Variants in ITGB5 observed in about 807,000 individuals in gnomAD.
The protein encoded by ITGB5 is integrin subunit beta 5, also known as integrin beta-5.
ITGB5 carries 38 observed loss-of-function variants against 84.8 expected under a neutral mutation model. That is an observed-to-expected ratio of 0.45 (90% CI 0.35 to 0.59). ITGB5 has a LOEUF of 0.59. Ranked by LOEUF, ITGB5 falls within the 20% of genes least tolerant of loss-of-function variation. ITGB5 has a pLI of 0.01. For synonymous variants in ITGB5, 393 were observed against 414.4 expected, an observed-to-expected ratio of 0.95 and a Z score of 0.63; for missense variants, 905 against 1,034.5, an observed-to-expected ratio of 0.87 and a Z score of 1.72.
At chr3:124,868,618 C>CAAAAAAAA (rs67873873) in intron 2 of ITGB5, among the ~76,000 whole-genome samples, 26 of 68,140 alleles carry the variant, frequency 3.8e-4, no homozygotes, top group Non-Finnish European at 4.6e-4. Flanking sequence ...TGTTCTCTAC[C>CAAAAAAAA]AAAAAAAAAA....
chr3:124,786,431 G>GT (rs2064082826), intron 10 of ITGB5, among the ~76,000 whole-genome samples: 1 of 151,972 alleles, frequency 6.6e-6, no homozygotes, highest in Non-Finnish European at 1.5e-5. Context: ...TTCTCCTTGT[G>GT]TTACTATAGT....
chr3:124,864,263 C>G (rs915378773), intron 2 of ITGB5, among the ~76,000 whole-genome samples: 2 of 151,300 alleles, frequency 1.3e-5, no homozygotes, highest in Non-Finnish European at 2.9e-5. Context: ...CCCGCCACCA[C>G]GCCCAGTTAA....
At chr3:124,878,601 A>C (rs1166721752) in intron 1 of ITGB5, 1 of 152,124 alleles carries the variant, frequency 6.6e-6, no homozygotes, top group Non-Finnish European at 1.5e-5. Flanking sequence ...TGAATGACCT[A>C]CCAGCCCTTG....
intron 9 of ITGB5, among the ~76,000 whole-genome samples, chr3:124,803,604 T>C (rs947153021): frequency 6.6e-6 from 1 of 152,214 alleles, no homozygotes; most frequent in Non-Finnish European, 1.5e-5. Flanking sequence ...GTGAGTTCAC[T>C]GTCTCTTAGC....
At chr3:124,798,858 G>C (rs566292198) in intron 9 of ITGB5, among the ~76,000 whole-genome samples, 1 of 152,248 alleles carries the variant, frequency 6.6e-6, no homozygotes, top group Admixed American at 6.5e-5. Context: ...CGGGGAGAGG[G>C]GAGAGGGTAT....
At chr3:124,811,331 G>A (rs1211120907) in intron 8 of ITGB5, among the ~76,000 whole-genome samples, 5 of 152,178 alleles carry the variant, frequency 3.3e-5, no homozygotes, top group Non-Finnish European at 7.3e-5. Context: ...TAACAGCTAT[G>A]CTAAGGTCTC....
At chr3:124,816,211 G>C (rs979111804) in intron 8 of ITGB5, among the ~76,000 whole-genome samples, 1 of 152,172 alleles carries the variant, frequency 6.6e-6, no homozygotes, top group African/African-American at 2.4e-5. Flanking sequence ...CTAAGCGCAG[G>C]GCTGGCTACA....
rs186842515 is a variant in ITGB5 at position 124,854,977 on chromosome 3, G to A, written c.361+4265C>T. ...TCAACGAATAACTATTATGAGGCAT[G>A]GGGGGTAGGGCAAGGAAGAAGACAC... On this transcript the variant is annotated intron_variant, in intron 3 of 14. Transcript: ENST00000296181. 1.4e-3 allele frequency among the ~76,000 whole-genome samples: 217 copies of A among 152,212 alleles called. 4 individuals carry two copies. The South Asian group carries it at 0.018, about 13-fold the overall frequency.
chr3:124,853,069 A>C (rs2065178344), intron 3 of ITGB5, among the ~76,000 whole-genome samples: 1 of 152,068 alleles, frequency 6.6e-6, no homozygotes, highest in Non-Finnish European at 1.5e-5. Context: ...AAAAACTCTT[A>C]AGACTGATTT....
At chr3:124,782,974 C>CT (rs11370689) in intron 10 of ITGB5, among the ~76,000 whole-genome samples, 16,219 of 151,606 alleles carry the variant, frequency 0.11, 1,138 homozygotes, top group South Asian at 0.2. Context: ...CCCTTTCTTT[C>CT]TTTTTTTTCT....
chr3:124,853,333 G>C (rs1244143354), intron 3 of ITGB5, among the ~76,000 whole-genome samples: 1 of 152,174 alleles, frequency 6.6e-6, no homozygotes, highest in Non-Finnish European at 1.5e-5. Flanking sequence ...AGTATCCCAG[G>C]ATTAAATCCA....
rs543264020 is a variant in ITGB5 at position 124,886,079 on chromosome 3, C to T, written c.70+852G>A. ...ACTACCACGTCCAATCATCTCCCAA[C>T]TCTGAAAAGTTAGAGCAGGTAACCG... On this transcript the variant is annotated intron_variant, in intron 1 of 14. Transcript: ENST00000296181. 2.0e-5 allele frequency among the ~76,000 whole-genome samples: 3 copies of T among 152,346 alleles called. No individual in the cohort carries two copies. The South Asian group carries it at 6.2e-4, about 32-fold the overall frequency.
Position 124,873,452 on chromosome 3 carries a change from GGA to G in ITGB5, c.148_149del (p.Ser50GlnfsTer15). The part of the protein sequence containing the change: ...LLIHPKCAWC[S>X]KEDFGSPRSI... ...CCCTCCCCCACCTACATACCTCTTTGGAGCACCAGGCACATTTTGGGTGGATT... is the reference window on the plus strand; with the variant it reads ...CCCTCCCCCACCTACATACCTCTTTGGCACCAGGCACATTTTGGGTGGATT... On this transcript the variant is annotated frameshift_variant, in exon 2 of 15. Coordinates refer to ENST00000296181, the MANE Select transcript of ITGB5 (RefSeq NM_002213.5). LOFTEE classifies it high-confidence loss of function. 1 of 1,607,016 alleles carries G rather than the reference GGA, an allele frequency of 6.2e-7. No homozygotes were observed. The highest frequency in any genetic ancestry group is 8.5e-7 in the Non-Finnish European group (1 of 1,173,926).
chr3:124,794,796 A>G (rs2064197160), intron 10 of ITGB5, among the ~76,000 whole-genome samples: 1 of 128,184 alleles, frequency 7.8e-6, no homozygotes, highest in East Asian at 2.3e-4. Flanking sequence ...AAAAAAAGAA[A>G]CAAGAAAGAA....
At chr3:124,826,338 C>T (rs1387303151) in intron 5 of ITGB5, among the ~76,000 whole-genome samples, 1 of 152,150 alleles carries the variant, frequency 6.6e-6, no homozygotes, top group Non-Finnish European at 1.5e-5. Context: ...GAAGACAGAA[C>T]AATGTGGAAT....
chr3:124,851,037 C>A (rs1366173396), intron 3 of ITGB5, among the ~76,000 whole-genome samples: 1 of 152,260 alleles, frequency 6.6e-6, no homozygotes, highest in Non-Finnish European at 1.5e-5. Context: ...CAAGTTCCCA[C>A]CTACAACTTA....
At chr3:124,849,016 G>C (rs1365208690) in intron 3 of ITGB5, among the ~76,000 whole-genome samples, 2 of 152,100 alleles carry the variant, frequency 1.3e-5, no homozygotes, top group African/African-American at 4.8e-5. Flanking sequence ...CTGGCCTCAA[G>C]TGATCCACCT....
At chr3:124,800,436 A>T (rs1190167521) in intron 9 of ITGB5, among the ~76,000 whole-genome samples, 1 of 152,218 alleles carries the variant, frequency 6.6e-6, no homozygotes, top group African/African-American at 2.4e-5. Flanking sequence ...GGGCACCCCT[A>T]AAGTTCTGGC....
rs2065012170 is a variant in ITGB5, at chr3:124,841,547, TG to T, written c.615del (p.Tyr205Ter). On this transcript the variant is annotated frameshift_variant, in exon 5 of 15. Transcript: ENST00000296181. LOFTEE classifies it high-confidence loss of function. ...PRYQTNPCIG[Y>X]KLFPNCVPSF... ...GAGGGGACGCAATTTGGAAACAACT[TG>T]TAACTAGAGAGGAAGAAGAGAAGAG... is the stretch of plus-strand genomic sequence containing the variant. The T allele has an allele frequency of 6.2e-7, 1 of 1,613,664 alleles. No homozygotes were observed. The highest frequency in any genetic ancestry group is 8.5e-7 in the Non-Finnish European group (1 of 1,179,748).
Sources: gnomAD v4.1 joint callset for allele counts (sites outside exome capture counted in the v4.1 genomes callset) on GRCh38, gnomAD v4.1.1 for gene constraint, MANE v1.5 for transcripts, NCBI Gene and HGNC (gene_info 2026-07-23, HGNC 2026-07-21) for gene names.